The following DMD variants were observed in gnomAD, a reference collection of about 807,000 sequenced individuals.
DMD encodes dystrophin.
DMD carries 63 observed loss-of-function variants against 330.1 expected under a neutral mutation model. The ratio of observed to expected loss-of-function variants is 0.19; its 90% confidence interval spans 0.16 to 0.24. DMD has a LOEUF of 0.24. DMD is among the 10% of genes least tolerant of loss of function. The pLI, the probability that DMD is intolerant of heterozygous loss-of-function variation, is 1.00. For missense variants in DMD, 3,344 were observed against 2,684.1 expected, an observed-to-expected ratio of 1.25 and a Z score of -5.43; for synonymous variants, 1,223 against 959.8, an observed-to-expected ratio of 1.27 and a Z score of -5.07.
At position 32,509,851 on chromosome X, in the gene DMD, G is replaced by A. The variant is rs777544044; in HGVS notation, c.2293-8009C>T. Among the ~76,000 whole-genome samples the A allele has an allele frequency of 2.7e-5, 3 of 110,698 alleles. No individual in the cohort carries two copies. The South Asian group carries it at 1.2e-3, about 43-fold the overall frequency. On this transcript the variant is annotated intron_variant, in intron 18 of 78. Coordinates refer to ENST00000357033, the MANE Select transcript of DMD (RefSeq NM_004006.3). ...TAGGCCTCAATCTGTGTTTTCCTTT[G>A]TTTAGGCCAAAAACAGAATCCTCCA...
At chrX:31,930,895 A>G (rs2094844744) in intron 46 of DMD, among the ~76,000 whole-genome samples, 1 of 112,703 alleles carries the variant, frequency 8.9e-6, no homozygotes. Context: ...ACCATCTTCA[A>G]ATGATTCCCA....
chrX:31,421,459 A>T (rs1282515046), intron 60 of DMD, among the ~76,000 whole-genome samples: 1 of 112,028 alleles, frequency 8.9e-6, no homozygotes, highest in East Asian at 2.8e-4. Context: ...AATAATAATG[A>T]TCATCTCTAC....
At chrX:31,345,889 ACTT>A (rs770088186) in intron 61 of DMD, among the ~76,000 whole-genome samples, 28 of 111,917 alleles carry the variant, frequency 2.5e-4, no homozygotes, top group African/African-American at 9.1e-4. Flanking sequence ...AAAATAAGAT[ACTT>A]CTTCTTAATC....
chrX:32,398,072 T>A (rs2098058422), intron 30 of DMD, among the ~76,000 whole-genome samples: 1 of 110,781 alleles, frequency 9.0e-6, no homozygotes, highest in African/African-American at 3.3e-5. Flanking sequence ...TCACACGTAC[T>A]TAGAAAACGA....
At chrX:33,136,671 G>A (rs1489938189) in intron 1 of DMD, among the ~76,000 whole-genome samples, 1 of 110,595 alleles carries the variant, frequency 9.0e-6, no homozygotes, top group Non-Finnish European at 1.9e-5. Flanking sequence ...GTATGTGAGG[G>A]TAAAGGAAGA....
At chrX:32,391,649 A>G (rs1284621481) in intron 30 of DMD, among the ~76,000 whole-genome samples, 1 of 112,016 alleles carries the variant, frequency 8.9e-6, no homozygotes, top group Non-Finnish European at 1.9e-5. Flanking sequence ...ACCTTGTGTG[A>G]GAAATATTGA....
At chrX:31,983,225 T>C (rs1244294858) in intron 44 of DMD, among the ~76,000 whole-genome samples, 4 of 111,030 alleles carry the variant, frequency 3.6e-5, no homozygotes, top group African/African-American at 6.5e-5. Context: ...ATAAAGATAA[T>C]AGGTATTATC....
intron 50 of DMD, among the ~76,000 whole-genome samples, chrX:31,786,998 G>T (rs1364071784): frequency 8.9e-6 from 1 of 112,091 alleles, no homozygotes; most frequent in Non-Finnish European, 1.9e-5. Context: ...CCGTATCTCT[G>T]GTCTATTTAC....
chrX:32,573,443 A>G (rs2052653802), intron 15 of DMD, 87 bp downstream of exon 15: 3 of 719,729 alleles, frequency 4.2e-6, no homozygotes, highest in Non-Finnish European at 6.5e-6. Context: ...AACATTTAAT[A>G]TTCAATAGCA....
chrX:31,710,251 A>ACTAACATAT (rs2084530639), intron 52 of DMD, among the ~76,000 whole-genome samples: 2 of 111,718 alleles, frequency 1.8e-5, no homozygotes, highest in African/African-American at 6.5e-5. Context: ...ATTAACTTAT[A>ACTAACATAT]CTAACATATC....
chrX:33,128,265 A>T lies in DMD; in HGVS notation c.31+83017T>A, dbSNP rs1425887501. 9.8e-6 allele frequency: 11 copies of T among 1,122,889 alleles called. No homozygotes were observed. In the East Asian group the frequency reaches 3.6e-4, roughly 37 times the overall value. 92.5% of individuals were successfully genotyped at this position (1,122,889 alleles called of 1,213,427 possible). On this transcript the variant is annotated intron_variant, in intron 1 of 78. Coordinates refer to ENST00000357033, the MANE Select transcript of DMD (RefSeq NM_004006.3). Reference sequence around the variant, plus strand: ...CTTACACATTCTATGGGGTATGGTAAACCTGGAGGTAGAGTCATAGCCAAG... The same window carrying T: ...CTTACACATTCTATGGGGTATGGTATACCTGGAGGTAGAGTCATAGCCAAG...
intron 57 of DMD, among the ~76,000 whole-genome samples, chrX:31,488,438 T>C (rs753754723): frequency 4.5e-5 from 5 of 111,157 alleles, no homozygotes; most frequent in Non-Finnish European, 7.5e-5. Context: ...AAATAATATC[T>C]GAATCATACC....
chrX:31,206,254 T>A (rs2044051238), intron 66 of DMD, among the ~76,000 whole-genome samples: 1 of 112,576 alleles, frequency 8.9e-6, no homozygotes, highest in African/African-American at 3.2e-5. Flanking sequence ...AGAGATTAAA[T>A]CTTCACACTT....
rs146062454 is a variant in DMD, at chrX:33,253,568, T to C, written c.7+85691A>G. Among the ~76,000 whole-genome samples, 693 of 111,649 alleles carry C rather than the reference T, an allele frequency of 6.2e-3. 5 individuals carry two copies. Among genetic ancestry groups the C allele is most frequent in the African/African-American group, 0.021 (664 of 30,886 alleles). On this transcript the variant is annotated intron_variant, in intron 1 of 17. Transcript: ENST00000288447. ...TAATGTACTGTAGACTGTGGAGATA[T>C]TGAAAGTTTAACTGAAGAAAATCTG...
intron 2 of DMD, among the ~76,000 whole-genome samples, chrX:32,965,958 A>T (rs2092135512): frequency 2.7e-5 from 3 of 111,726 alleles, no homozygotes. Flanking sequence ...ATAGTCTTTA[A>T]CTTTCTGGAA....
chrX:31,550,076 T>TGA (rs969106038), intron 55 of DMD, among the ~76,000 whole-genome samples: 1 of 111,055 alleles, frequency 9.0e-6, no homozygotes, highest in African/African-American at 3.3e-5. Context: ...TCAAGGAAGG[T>TGA]GAGAGAGAGC....
At chrX:31,662,324 T>A (rs2081176919) in intron 53 of DMD, among the ~76,000 whole-genome samples, 1 of 111,631 alleles carries the variant, frequency 9.0e-6, no homozygotes, top group African/African-American at 3.3e-5. Context: ...TTACTACTGC[T>A]AGCACATCTA....
At chrX:31,306,797 G>A (rs2055071535) in intron 62 of DMD, among the ~76,000 whole-genome samples, 1 of 111,374 alleles carries the variant, frequency 9.0e-6, no homozygotes, top group Non-Finnish European at 1.9e-5. Flanking sequence ...ATAAAACTTG[G>A]TGATAAAGGT....
chrX:33,035,263 C>T (rs1188235638), intron 1 of DMD, among the ~76,000 whole-genome samples: 1 of 111,141 alleles, frequency 9.0e-6, no homozygotes, highest in African/African-American at 3.3e-5. Flanking sequence ...CACCATTGTA[C>T]CATTCTTTTT....
Sources: allele counts gnomAD v4.1 joint callset (sites outside exome capture counted in the v4.1 genomes callset), GRCh38; gene constraint gnomAD v4.1.1; transcripts MANE v1.5; gene names NCBI Gene and HGNC (gene_info 2026-07-23, HGNC 2026-07-21).